Variants in RORA observed in about 807,000 individuals in gnomAD.
RORA encodes the protein RAR related orphan receptor A.
In RORA, 7 loss-of-function variants were observed where a neutral mutation model predicts 69.5. The ratio of observed to expected loss-of-function variants is 0.10; its 90% CI spans 0.06 to 0.19. The LOEUF is 0.19. Ranked by LOEUF, RORA falls within the 10% of genes least tolerant of loss-of-function variation. The pLI, the probability that RORA is intolerant of heterozygous loss-of-function variation, is 1.00. For synonymous variants in RORA, 261 were observed against 240.8 expected (o/e 1.08, Z -0.78); for missense variants, 457 against 663.0 (o/e 0.69, Z 3.41).
At chr15:60,856,854 A>G (rs2140420311) in intron 1 of RORA, among the ~76,000 whole-genome samples, 1 of 152,302 alleles carries the variant, frequency 6.6e-6, no homozygotes, top group East Asian at 1.9e-4. Context: ...TATTCTGGGG[A>G]CAAATTAGTT....
At chr15:60,812,631 G>T (rs2072759791) in intron 1 of RORA, among the ~76,000 whole-genome samples, 1 of 152,188 alleles carries the variant, frequency 6.6e-6, no homozygotes. Context: ...TATTTTTAAG[G>T]ACTTAGGAAT....
At chr15:60,939,430 C>T (rs971984362) in intron 1 of RORA, among the ~76,000 whole-genome samples, 11 of 152,168 alleles carry the variant, frequency 7.2e-5, no homozygotes, top group Non-Finnish European at 1.2e-4. Context: ...GACTGGAGCA[C>T]AGCAGGGACG....
In RORA at chr15:60,597,597, C is replaced by CATATATATATATATATAT. The variant is rs1213736725; in HGVS notation, c.197-65764_197-65747dup. ...ATACACATATATATATATATATACA[C>CATATATATATATATATAT]ATATATATATATATATATATACATA... On this transcript the variant is annotated intron_variant, in intron 2 of 10. Coordinates refer to ENST00000335670, the MANE Select transcript of RORA (RefSeq NM_134261.3). Among the ~76,000 whole-genome samples the CATATATATATATATATAT allele has an allele frequency of 1.6e-4, 5 of 31,348 alleles. 2 individuals are homozygous for CATATATATATATATATAT. Among genetic ancestry groups the CATATATATATATATATAT allele is most frequent in the Non-Finnish European group, 2.3e-4 (4 of 17,508 alleles). The allele number at this position is 31,348 out of a possible 152,430, so 20.6% of individuals were successfully genotyped here. A position where few individuals can be genotyped will look rare whatever the true frequency, so the allele number is the denominator to read the frequency against.
chr15:61,071,943 G>A (rs1032371495), intron 1 of RORA, among the ~76,000 whole-genome samples: 2 of 152,080 alleles, frequency 1.3e-5, no homozygotes, highest in South Asian at 2.1e-4. Flanking sequence ...GGTAGAGGGA[G>A]GATACTCAAA....
At chr15:61,219,991 T>A (rs1340576371) in intron 1 of RORA, among the ~76,000 whole-genome samples, 1 of 152,228 alleles carries the variant, frequency 6.6e-6, no homozygotes, top group Non-Finnish European at 1.5e-5. Context: ...TCCTTGACTG[T>A]CATCCTTCAC....
At chr15:60,707,615 G>A (rs1057430361) in intron 1 of RORA, among the ~76,000 whole-genome samples, 15 of 152,008 alleles carry the variant, frequency 9.9e-5, no homozygotes, top group African/African-American at 1.9e-4. Flanking sequence ...TGTCCGCCTC[G>A]GCCTCCCAAA....
intron 1 of RORA, among the ~76,000 whole-genome samples, chr15:61,089,838 A>G (rs2140702280): frequency 6.6e-6 from 1 of 152,254 alleles, no homozygotes; most frequent in South Asian, 2.1e-4. Flanking sequence ...GGATGCCCTG[A>G]CCTCATCAAG....
chr15:60,654,993 A>G (rs2070198728), intron 2 of RORA, among the ~76,000 whole-genome samples: 2 of 152,174 alleles, frequency 1.3e-5, no homozygotes. Flanking sequence ...GTATTTTGTT[A>G]TAAAAGCCAT....
chr15:60,581,151 T>C (rs184214716), intron 2 of RORA, among the ~76,000 whole-genome samples: 1 of 152,264 alleles, frequency 6.6e-6, no homozygotes, highest in East Asian at 1.9e-4. Context: ...ATCTTAACAG[T>C]CGAAATGAGC....
chr15:60,690,111 G>A (rs921572978), intron 1 of RORA, among the ~76,000 whole-genome samples: 12 of 152,144 alleles, frequency 7.9e-5, no homozygotes, highest in African/African-American at 2.9e-4. Context: ...AAGGTGTCTG[G>A]CAATAATACT....
chr15:60,928,508 T>C (rs548853436), intron 1 of RORA, among the ~76,000 whole-genome samples: 43 of 152,306 alleles, frequency 2.8e-4, no homozygotes, highest in Admixed American at 6.5e-4. Context: ...CAGTAAACAC[T>C]ACTTGCCAAA....
At position 61,134,879 on chromosome 15, in the gene RORA, T is replaced by C. The variant is rs561057696; in HGVS notation, c.166+94174A>G. On this transcript the variant is annotated intron_variant, in intron 1 of 10. Transcript: ENST00000335670. ...CCAATCTTCTACTTACTACCGCCTA[T>C]AGAATCATAGACCCTGTCCAATATA... 1.5e-4 allele frequency among the ~76,000 whole-genome samples: 23 copies of C among 152,188 alleles called. 1 individual carries two copies. The highest frequency in any genetic ancestry group is 5.8e-4 in the East Asian group (3 of 5,154).
At chr15:61,185,390 A>AG (rs148672539) in intron 1 of RORA, among the ~76,000 whole-genome samples, 89,503 of 151,538 alleles carry the variant, frequency 0.59, 26,873 homozygotes, top group East Asian at 0.69. Context: ...CAGGATCTCT[A>AG]TACGGCTACT....
At chr15:60,586,419 G>T (rs1417891728) in intron 2 of RORA, among the ~76,000 whole-genome samples, 1 of 152,018 alleles carries the variant, frequency 6.6e-6, no homozygotes, top group East Asian at 1.9e-4. Flanking sequence ...CAGCAAAAAG[G>T]ACTGGAGAGG....
intron 1 of RORA, among the ~76,000 whole-genome samples, chr15:61,117,525 TC>T (rs1284719390): frequency 6.6e-6 from 1 of 152,248 alleles, no homozygotes; most frequent in Non-Finnish European, 1.5e-5. Flanking sequence ...TAGCAAATAT[TC>T]GGCCTTTTCT....
chr15:60,795,003 C>G (rs143304805), intron 1 of RORA, among the ~76,000 whole-genome samples: 195 of 152,262 alleles, frequency 1.3e-3, no homozygotes, highest in Non-Finnish European at 2.1e-3. Flanking sequence ...ATGCGACACC[C>G]CTTCCCACTG....
intron 1 of RORA, among the ~76,000 whole-genome samples, chr15:60,757,553 T>C (rs1188094750): frequency 6.6e-6 from 1 of 152,216 alleles, no homozygotes; most frequent in Non-Finnish European, 1.5e-5. Flanking sequence ...TTTCAGCTCC[T>C]GTAAGAGCTG....
intron 1 of RORA, among the ~76,000 whole-genome samples, chr15:60,862,149 C>T (rs1308696440): frequency 6.6e-6 from 1 of 152,210 alleles, no homozygotes; most frequent in African/African-American, 2.4e-5. Context: ...TCTTTACCCA[C>T]CTTTTTCCTC....
At chr15:60,618,624 C>T (rs931722659) in intron 2 of RORA, among the ~76,000 whole-genome samples, 2 of 152,082 alleles carry the variant, frequency 1.3e-5, no homozygotes, top group African/African-American at 4.8e-5. Context: ...AGGCAGGATA[C>T]ATAGGTAACA....
Sources: allele counts gnomAD v4.1 joint callset (sites outside exome capture counted in the v4.1 genomes callset), GRCh38; gene constraint gnomAD v4.1.1; transcripts MANE v1.5; gene names NCBI Gene and HGNC (gene_info 2026-07-23, HGNC 2026-07-21).